UGT1A3: variants seen among roughly 807,000 people sequenced by gnomAD.
UGT1A3 encodes the protein UDP glucuronosyltransferase family 1 member A3, also known as UDP-glucuronosyltransferase 1A3.
A neutral mutation model predicts 41.0 loss-of-function variants in UGT1A3; 31 were observed. That is an observed-to-expected ratio of 0.76 (90% CI 0.57 to 1.02). The LOEUF (loss-of-function observed/expected upper bound fraction) is 1.02. Among genes scored for constraint, UGT1A3 ranks in the 50% least tolerant of loss-of-function variants. UGT1A3 has a pLI of 0.00. For synonymous variants in UGT1A3, 262 were observed against 257.6 expected, an observed-to-expected ratio of 1.02 and a Z score of -0.17; for missense variants, 737 against 671.0, an observed-to-expected ratio of 1.10 and a Z score of -1.09.
At position 233,769,766 on chromosome 2, in the gene UGT1A3, G is replaced by A; in HGVS notation, c.1307+1327G>A. On this transcript the variant is annotated intron_variant, in intron 4 of 4. Transcript: ENST00000482026. The surrounding 1 kb of genome is among the most constrained non-coding windows in gnomAD (Gnocchi z 4.4). The stretch of plus-strand genomic sequence containing the variant: ...GCCACTCTGGAGGCTAAGGCGGGAG[G>A]ATTGCTTGAGCCCAGAAGTTGGAGG... The A allele has an allele frequency of 1.4e-6, 2 of 1,395,536 alleles. No homozygotes were observed. Among genetic ancestry groups the A allele is most frequent in the South Asian group, 1.6e-5 (1 of 62,382 alleles). The allele number at this position is 1,395,536 out of a possible 1,614,324, so 86.4% of individuals were successfully genotyped here.
chr2:233,762,086 T>A (rs1422736816), intron 1 of UGT1A3, among the ~76,000 whole-genome samples: 1 of 152,194 alleles, frequency 6.6e-6, no homozygotes, highest in African/African-American at 2.4e-5. Context: ...CCATTTCACT[T>A]AGATAGTTGT....
At position 233,768,342 on chromosome 2, in the gene UGT1A3, C is replaced by A. The variant is rs778766461; in HGVS notation, c.1210C>A (p.Arg404Ser). ...LFGDQMDNAK[R>S]METKGAGVTL... ...TGGTGATCAGATGGACAATGCAAAGCGCATGGAGACTAAGGGAGCTGGAGT... is the reference window on the plus strand; with the variant it reads ...TGGTGATCAGATGGACAATGCAAAGAGCATGGAGACTAAGGGAGCTGGAGT... The change falls in exon 4 of 5, where the codon CGC becomes AGC. Residue 404 changes from arginine (R) to serine (S), a missense_variant. By Grantham distance (110) the Arg-to-Ser change is moderately radical. Coordinates refer to ENST00000482026, the MANE Select transcript of UGT1A3 (RefSeq NM_019093.4). 6.2e-7 allele frequency: 1 copy of A among 1,613,974 alleles called. No individual in the cohort carries two copies. Among genetic ancestry groups the A allele is most frequent in the Non-Finnish European group, 8.5e-7 (1 of 1,180,048 alleles).
chr2:233,769,776 G>A lies in UGT1A3; in HGVS notation c.1307+1337G>A. ...AGGCTAAGGCGGGAGGATTGCTTGAGCCCAGAAGTTGGAGGCTGCTATGAG... is the reference window on the plus strand; with the variant it reads ...AGGCTAAGGCGGGAGGATTGCTTGAACCCAGAAGTTGGAGGCTGCTATGAG... On this transcript the variant is annotated intron_variant, in intron 4 of 4. Transcript: ENST00000482026. This position sits in a 1 kb window ranked among gnomAD's most constrained non-coding sequence, Gnocchi z 4.4. The A allele has an allele frequency of 7.3e-7, 1 of 1,373,770 alleles. No individual in the cohort carries two copies. The allele number at this position is 1,373,770 out of a possible 1,614,324, so 85.1% of individuals were successfully genotyped here. A position where few individuals can be genotyped will look rare whatever the true frequency, so the allele number is the denominator to read the frequency against.
rs1226545500 is a variant in UGT1A3 at position 233,773,111 on chromosome 2, T to C, written c.*552T>C. On this transcript the variant is annotated 3_prime_UTR_variant, in exon 5 of 5. Transcript: ENST00000482026. ...GCACTGAGAACAGCATATGATTTCT[T>C]GCTTTGGGGAAAAAGAATGATGCTA... The C allele has an allele frequency of 6.4e-6, 1 of 155,166 alleles. No individual in the cohort carries two copies. Among genetic ancestry groups the C allele is most frequent in the Non-Finnish European group, 1.4e-5 (1 of 69,776 alleles). 9.6% of individuals were successfully genotyped at this position (155,166 alleles called of 1,614,324 possible).
At chr2:233,761,243 G>A (rs1268898166) in intron 1 of UGT1A3, 4 of 1,611,300 alleles carry the variant, frequency 2.5e-6, no homozygotes, top group Non-Finnish European at 3.4e-6. Flanking sequence ...TGCTGAGCAA[G>A]CATTCTGAGA....
chr2:233,744,239 T>C (rs1275088982), intron 1 of UGT1A3, among the ~76,000 whole-genome samples: 1 of 151,842 alleles, frequency 6.6e-6, no homozygotes, highest in Non-Finnish European at 1.5e-5. Flanking sequence ...GCCTTGACTT[T>C]GGCTGCCTGA....
At chr2:233,745,046 G>GT (rs1692997137) in intron 1 of UGT1A3, among the ~76,000 whole-genome samples, 1 of 151,780 alleles carries the variant, frequency 6.6e-6, no homozygotes, top group Admixed American at 6.6e-5. Flanking sequence ...TACAGTATTG[G>GT]TTTTTTATTT....
intron 1 of UGT1A3, among the ~76,000 whole-genome samples, chr2:233,763,630 G>T (rs1698361398): frequency 6.6e-6 from 1 of 152,108 alleles, no homozygotes; most frequent in South Asian, 2.1e-4. Flanking sequence ...CTCTTGTGTT[G>T]ATGGTCCTAT....
chr2:233,736,686 T>C (rs2078793378), intron 1 of UGT1A3, among the ~76,000 whole-genome samples: 1 of 152,252 alleles, frequency 6.6e-6, no homozygotes, highest in Admixed American at 6.5e-5. Context: ...GTTGGTGACC[T>C]ACAGATGGGG....
At chr2:233,768,114 G>T in intron 3 of UGT1A3, 106 bp from the exon 4 acceptor site, 2 of 1,597,766 alleles carry the variant, frequency 1.3e-6, no homozygotes. Flanking sequence ...TTCTGCAAGG[G>T]CATGTGAGTA....
intron 4 of UGT1A3, among the ~76,000 whole-genome samples, chr2:233,768,754 T>C (rs899936789): frequency 6.6e-6 from 1 of 151,960 alleles, no homozygotes; most frequent in Non-Finnish European, 1.5e-5. Context: ...GGTTAATTTT[T>C]GTATTTTTTA....
chr2:233,729,120 T>A lies in UGT1A3; in HGVS notation c.-7T>A. On this transcript the variant is annotated 5_prime_UTR_variant, in exon 1 of 5. Coordinates refer to ENST00000482026, the MANE Select transcript of UGT1A3 (RefSeq NM_019093.4). ...TGGACAGTCAGCTGTCCGTGTCTTCTGCTGAGATGGCCACAGGACTCCAGG... is the reference window on the plus strand; with the variant it reads ...TGGACAGTCAGCTGTCCGTGTCTTCAGCTGAGATGGCCACAGGACTCCAGG... 6.2e-7 allele frequency: 1 copy of A among 1,613,088 alleles called. No homozygotes were observed. Among genetic ancestry groups the A allele is most frequent in the Non-Finnish European group, 8.5e-7 (1 of 1,179,930 alleles).
At chr2:233,738,159 T>C (rs1033238809) in intron 1 of UGT1A3, among the ~76,000 whole-genome samples, 2 of 152,228 alleles carry the variant, frequency 1.3e-5, no homozygotes, top group African/African-American at 4.8e-5. Context: ...GCTATTCCTC[T>C]TTCTCTCTTT....
chr2:233,770,138 C>T (rs1700024160), intron 4 of UGT1A3: 1 of 152,234 alleles, frequency 6.6e-6, no homozygotes. Context: ...TCCTCTAATA[C>T]ATTATTTTTT....
intron 1 of UGT1A3, chr2:233,741,740 C>T (rs1158976781): frequency 6.6e-6 from 1 of 151,864 alleles, no homozygotes; most frequent in Non-Finnish European, 1.5e-5. Flanking sequence ...CCATATCACA[C>T]TCTTTGTTGG....
chr2:233,769,857 C>CAAAA lies in UGT1A3; in HGVS notation c.1307+1432_1307+1435dup. The CAAAA allele has an allele frequency of 4.0e-5, 9 of 223,646 alleles. No individual in the cohort carries two copies. The highest frequency in any genetic ancestry group is 1.1e-4 in the South Asian group (1 of 9,102). The allele number at this position is 223,646 out of a possible 1,614,324, so 13.9% of individuals were successfully genotyped here. On this transcript the variant is annotated intron_variant, in intron 4 of 4. Coordinates refer to ENST00000482026, the MANE Select transcript of UGT1A3 (RefSeq NM_019093.4). The surrounding 1 kb of genome is among the most constrained non-coding windows in gnomAD (Gnocchi z 4.4). ...TGGGCAACAGAGTGAGACCCTGTCTCAAAAAAAAAAAAAAAAATGAAAAGT... is the reference window on the plus strand; with the variant it reads ...TGGGCAACAGAGTGAGACCCTGTCTCAAAAAAAAAAAAAAAAAAAAATGAAAAGT...
At chr2:233,751,711 C>G (rs1187587643) in intron 1 of UGT1A3, among the ~76,000 whole-genome samples, 1 of 152,190 alleles carries the variant, frequency 6.6e-6, no homozygotes, top group Non-Finnish European at 1.5e-5. Context: ...TCCTCCTTCA[C>G]TCACAAGTGA....
At chr2:233,731,784 G>A (rs186887277) in intron 1 of UGT1A3, among the ~76,000 whole-genome samples, 133 of 152,162 alleles carry the variant, frequency 8.7e-4, no homozygotes, top group Non-Finnish European at 1.4e-3. Flanking sequence ...ATTTATAATC[G>A]TTTGGGTATA....
Position 233,729,252 on chromosome 2 carries a change from C to T in UGT1A3, c.126C>T (p.Leu42=), listed in dbSNP as rs1553613077. ...LVVPIDGSHW[L]SMREVLRELH... ...TGCCCATTGATGGCAGCCACTGGCT[C>T]AGCATGCGGGAGGTCTTGCGGGAGC... Residue 42 remains leucine (L), a synonymous_variant, in exon 1 of 5, where the codon CTC becomes CTT. Coordinates refer to ENST00000482026, the MANE Select transcript of UGT1A3 (RefSeq NM_019093.4). 65 of 1,614,244 alleles carry T rather than the reference C, an allele frequency of 4.0e-5. 3 individuals carry two copies. The South Asian group carries it at 6.7e-4, about 17-fold the overall frequency.
Sources: allele counts gnomAD v4.1 joint callset (sites outside exome capture counted in the v4.1 genomes callset), GRCh38; gene constraint gnomAD v4.1.1; non-coding constraint Gnocchi (gnomAD v3.1); transcripts MANE v1.5; gene names NCBI Gene and HGNC (gene_info 2026-07-23, HGNC 2026-07-21).